The following PTRH2 variants were observed in gnomAD, a reference collection of about 807,000 sequenced individuals.
PTRH2 encodes peptidyl-tRNA hydrolase 2, mitochondrial.
A neutral mutation model predicts 12.3 loss-of-function variants in PTRH2; 10 were observed. That is an observed-to-expected ratio of 0.81 (90% CI 0.50 to 1.38). The LOEUF (loss-of-function observed/expected upper bound fraction) is 1.38. Among genes scored for constraint, PTRH2 ranks in the 40% most tolerant of loss-of-function variants. PTRH2 has a pLI of 0.00. For missense variants in PTRH2, 176 were observed against 214.1 expected, an observed-to-expected ratio of 0.82 and a Z score of 1.11; for synonymous variants, 73 against 77.4, an observed-to-expected ratio of 0.94 and a Z score of 0.30.
intron 1 of PTRH2, chr17:59,699,641 A>G (rs549332440): frequency 6.5e-6 from 1 of 152,794 alleles, no homozygotes; most frequent in South Asian, 2.1e-4. Context: ...CCATATCATC[A>G]ATTGGTCCAG....
chr17:59,700,073 A>T (rs2033528551), intron 1 of PTRH2: 1 of 152,240 alleles, frequency 6.6e-6, no homozygotes, highest in Non-Finnish European at 1.5e-5. Flanking sequence ...CCAGGAAAAG[A>T]TCAAAATGCA....
chr17:59,705,713 C>T (rs749302141), intron 1 of PTRH2, among the ~76,000 whole-genome samples: 1 of 152,116 alleles, frequency 6.6e-6, no homozygotes, highest in Non-Finnish European at 1.5e-5. Context: ...AGTTCAAAAC[C>T]AATCTGGGCA....
chr17:59,706,140 A>G (rs1346485663), intron 1 of PTRH2, among the ~76,000 whole-genome samples: 1 of 152,228 alleles, frequency 6.6e-6, no homozygotes, highest in Non-Finnish European at 1.5e-5. Flanking sequence ...CACTTACGAC[A>G]AGCGTATCAA....
intron 1 of PTRH2, 32 bp from the exon 2 acceptor site, chr17:59,698,010 C>T (rs749736670): frequency 2.3e-5 from 37 of 1,586,328 alleles, no homozygotes; most frequent in Non-Finnish European, 2.7e-5. Context: ...TATCACTATC[C>T]GGCAGTAACA....
At chr17:59,702,460 G>A (rs566284257) in intron 1 of PTRH2, among the ~76,000 whole-genome samples, 12 of 152,124 alleles carry the variant, frequency 7.9e-5, no homozygotes, top group Non-Finnish European at 1.6e-4. Context: ...GTTAGCGATG[G>A]GGAGTGGCTG....
chr17:59,697,657 ATTGT>A lies in PTRH2; in HGVS notation c.318_321del (p.Lys106AsnfsTer20). The A allele has an allele frequency of 6.2e-7, 1 of 1,614,166 alleles. No individual in the cohort carries two copies. Among genetic ancestry groups the A allele is most frequent in the Non-Finnish European group, 8.5e-7 (1 of 1,180,032 alleles). On this transcript the variant is annotated frameshift_variant, in exon 2 of 2. Coordinates refer to ENST00000393038, the MANE Select transcript of PTRH2 (RefSeq NM_016077.5). LOFTEE classifies it high-confidence loss of function. ...ACCTTGGGCTGGCCACAGTATTCCC[ATTGT>A]TTGAGCATTTCAGGATTTCTTCTTT...
intron 1 of PTRH2, 52 bp downstream of exon 1, chr17:59,707,319 A>C (rs1334893954): frequency 6.6e-6 from 1 of 152,646 alleles, no homozygotes; most frequent in Non-Finnish European, 1.5e-5. Flanking sequence ...CTGGCGAGAA[A>C]ATGAATAATG....
At position 59,697,443 on chromosome 17, in the gene PTRH2, T is replaced by TA. The variant is rs867051129; in HGVS notation, c.535dup (p.Tyr179LeufsTer6). The TA allele has an allele frequency of 2.4e-5, 38 of 1,603,800 alleles. No homozygotes were observed. Among genetic ancestry groups the TA allele is most frequent in the Non-Finnish European group, 2.9e-5 (34 of 1,172,146 alleles). ...TGTTGTCATATCAAAGTCCACCTAG[T>TA]AAAGTTTTAGGTGACCAGTGACTTT... On this transcript the variant is annotated frameshift_variant, in exon 2 of 2. Transcript: ENST00000393038. LOFTEE classifies it high-confidence loss of function.
At chr17:59,705,553 G>T (rs905931638) in intron 1 of PTRH2, among the ~76,000 whole-genome samples, 8 of 152,068 alleles carry the variant, frequency 5.3e-5, no homozygotes, top group Admixed American at 3.9e-4. Context: ...CCAAGTAGAT[G>T]GGACTACAGG....
intron 1 of PTRH2, among the ~76,000 whole-genome samples, chr17:59,706,808 G>C (rs1020037142): frequency 4.0e-5 from 6 of 151,588 alleles, no homozygotes; most frequent in Admixed American, 1.3e-4. Context: ...CGAGTAGCTG[G>C]GATTACAGGC....
intron 1 of PTRH2, among the ~76,000 whole-genome samples, chr17:59,705,670 TG>T (rs1440743848): frequency 6.6e-6 from 1 of 152,164 alleles, no homozygotes. Context: ...CTCAAGGAGT[TG>T]CTTGAGGTCG....
In PTRH2 at chr17:59,697,605, G is replaced by T; in HGVS notation, c.374C>A (p.Thr125Asn). The change falls in exon 2 of 2, where the codon ACC (threonine) becomes AAC (asparagine). Residue 125 changes from threonine (T) to asparagine (N), a missense_variant. Physicochemically the swap from Thr to Asn is moderately conservative, Grantham distance 65 (BLOSUM62 0). Coordinates refer to ENST00000393038, the MANE Select transcript of PTRH2 (RefSeq NM_016077.5). ...TGCATGGGCCAATAATGCAATCAGG[G>T]TTTCTTCATCAGGAGCTTTGACCAC... ...KVVVKAPDEETLIALLAHAKM... is the reference protein window; with the variant it reads ...KVVVKAPDEENLIALLAHAKM... 1 of 1,614,172 alleles carries T rather than the reference G, an allele frequency of 6.2e-7. No homozygotes were observed. The highest frequency in any genetic ancestry group is 8.5e-7 in the Non-Finnish European group (1 of 1,180,038).
In PTRH2 at chr17:59,697,321, G is replaced by A; in HGVS notation, c.*118C>T. The A allele has an allele frequency of 8.2e-7, 1 of 1,221,360 alleles. No individual in the cohort carries two copies. Among genetic ancestry groups the A allele is most frequent in the Non-Finnish European group, 1.1e-6 (1 of 882,934 alleles). 75.7% of individuals were successfully genotyped at this position (1,221,360 alleles called of 1,614,324 possible). A position where few individuals can be genotyped will look rare whatever the true frequency, so the allele number is the denominator to read the frequency against. On this transcript the variant is annotated 3_prime_UTR_variant, in exon 2 of 2. Coordinates refer to ENST00000393038, the MANE Select transcript of PTRH2 (RefSeq NM_016077.5). ...CTGCCAACCATAGAACATGGGAATA[G>A]GTTTTATTTTCATCTCAAGAACATT...
chr17:59,703,119 A>G (rs559437335), intron 1 of PTRH2, among the ~76,000 whole-genome samples: 4 of 152,162 alleles, frequency 2.6e-5, no homozygotes, highest in East Asian at 1.9e-4. Context: ...AGCTCAAGCA[A>G]TCCTCCCACT....
At chr17:59,700,216 C>CT (rs2033531267) in intron 1 of PTRH2, 2 of 152,138 alleles carry the variant, frequency 1.3e-5, no homozygotes, top group African/African-American at 4.8e-5. Flanking sequence ...GAATGTCATC[C>CT]TTTATTATTT....
chr17:59,701,670 C>T (rs751943155), intron 1 of PTRH2, among the ~76,000 whole-genome samples: 1 of 150,842 alleles, frequency 6.6e-6, no homozygotes, highest in African/African-American at 2.5e-5. Flanking sequence ...TTTTGAATTT[C>T]TTTCATGCTG....
intron 1 of PTRH2, chr17:59,700,417 G>T (rs1285244505): frequency 6.6e-6 from 1 of 152,176 alleles, no homozygotes; most frequent in Non-Finnish European, 1.5e-5. Context: ...GTAATGCACT[G>T]TATTTGTAAT....
At chr17:59,706,172 A>C (rs2033651940) in intron 1 of PTRH2, among the ~76,000 whole-genome samples, 1 of 152,234 alleles carries the variant, frequency 6.6e-6, no homozygotes, top group Admixed American at 6.5e-5. Context: ...CCTAAGACTA[A>C]GGTAAAACAA....
At chr17:59,702,317 A>G (rs6503936) in intron 1 of PTRH2, among the ~76,000 whole-genome samples, 131,618 of 152,246 alleles carry the variant, frequency 0.86, 57,026 homozygotes, top group East Asian at 0.94. Context: ...GGGAGGCAGT[A>G]ACAGATCATC....
Sources: gnomAD v4.1 joint callset for allele counts (sites outside exome capture counted in the v4.1 genomes callset) on GRCh38, gnomAD v4.1.1 for gene constraint, MANE v1.5 for transcripts, NCBI Gene and HGNC (gene_info 2026-07-23, HGNC 2026-07-21) for gene names.